NLGN1: variants seen among roughly 807,000 people sequenced by gnomAD.
NLGN1 encodes the protein neuroligin-1.
A neutral mutation model predicts 65.5 loss-of-function variants in NLGN1; 12 were observed. The ratio of observed to expected loss-of-function variants is 0.18; its 90% CI spans 0.12 to 0.30. The LOEUF is 0.30. NLGN1 is among the 10% of genes least tolerant of loss of function. The probability of loss-of-function intolerance (pLI) is 1.00; values close to 1 mark genes in which losing one functional copy is unlikely to be tolerated. For missense variants in NLGN1, 750 were observed against 1,007.1 expected (o/e 0.74, Z 3.46); for synonymous variants, 350 against 359.5 (o/e 0.97, Z 0.30).
chr3:173,710,913 A>G (rs1188386337), intron 3 of NLGN1, among the ~76,000 whole-genome samples: 1 of 152,206 alleles, frequency 6.6e-6, no homozygotes, highest in Non-Finnish European at 1.5e-5. Context: ...TCTTAAAGGT[A>G]TTCCAGTTAG....
chr3:174,014,623 G>C (rs1726186529), intron 4 of NLGN1, among the ~76,000 whole-genome samples: 1 of 152,152 alleles, frequency 6.6e-6, no homozygotes, highest in South Asian at 2.1e-4. Context: ...AGGAAAAAGA[G>C]ACATGCCTCA....
intron 4 of NLGN1, among the ~76,000 whole-genome samples, chr3:174,242,479 C>T (rs771915966): frequency 6.6e-6 from 1 of 152,098 alleles, no homozygotes; most frequent in Non-Finnish European, 1.5e-5. Flanking sequence ...ACAGCTGCTC[C>T]CCATTGCTCA....
At chr3:174,013,902 A>G (rs906494109) in intron 4 of NLGN1, among the ~76,000 whole-genome samples, 3 of 151,996 alleles carry the variant, frequency 2.0e-5, no homozygotes, top group African/African-American at 7.2e-5. Context: ...ATTTTTAGAG[A>G]CAGAGTCTGA....
At chr3:173,789,134 G>C (rs796867431) in intron 3 of NLGN1, among the ~76,000 whole-genome samples, 49 of 152,026 alleles carry the variant, frequency 3.2e-4, no homozygotes, top group African/African-American at 1.1e-3. Context: ...GGGAAGCAGA[G>C]GTTGCAGTGA....
At chr3:174,088,809 A>T (rs113496594) in intron 4 of NLGN1, among the ~76,000 whole-genome samples, 104 of 145,494 alleles carry the variant, frequency 7.1e-4, no homozygotes, top group African/African-American at 2.6e-3. Context: ...AATAAATAAA[A>T]CTAGATTATT....
chr3:173,688,463 T>C (rs1047881008), intron 3 of NLGN1, among the ~76,000 whole-genome samples: 1 of 152,184 alleles, frequency 6.6e-6, no homozygotes. Context: ...GCTGTGTGCT[T>C]GGGCAGTGGA....
chr3:173,533,807 C>T (rs922463250), intron 2 of NLGN1, among the ~76,000 whole-genome samples: 19 of 152,206 alleles, frequency 1.2e-4, no homozygotes, highest in Non-Finnish European at 2.4e-4. Context: ...CATGGCAAAA[C>T]CCAGTCTCTA....
exon 7 of NLGN1, chr3:174,281,256 C>A (rs756429859): frequency 6.2e-7 from 1 of 1,611,886 alleles, no homozygotes; most frequent in South Asian, 1.1e-5. Context: ...CAATACTCTG[C>A]CCCATCCCCA....
At chr3:174,240,239 T>G (rs1421424) in intron 4 of NLGN1, among the ~76,000 whole-genome samples, 64,914 of 151,908 alleles carry the variant, frequency 0.43, 14,026 homozygotes, top group East Asian at 0.57. Flanking sequence ...TAAAAAGTTC[T>G]CTTGTAATAT....
At chr3:173,611,788 C>A (rs1577529327) in intron 3 of NLGN1, among the ~76,000 whole-genome samples, 1 of 152,094 alleles carries the variant, frequency 6.6e-6, no homozygotes, top group East Asian at 1.9e-4. Context: ...TTGTCCAATT[C>A]AATTTTTCCA....
At chr3:174,260,012 A>C (rs1160198017) in intron 4 of NLGN1, among the ~76,000 whole-genome samples, 1 of 151,514 alleles carries the variant, frequency 6.6e-6, no homozygotes, top group Non-Finnish European at 1.5e-5. Context: ...AAGGACAAGA[A>C]CTCATCATCT....
intron 4 of NLGN1, among the ~76,000 whole-genome samples, chr3:173,816,001 ATAATAGT>A (rs1293443959): frequency 6.8e-6 from 1 of 147,866 alleles, no homozygotes; most frequent in African/African-American, 2.5e-5. Flanking sequence ...ATAATTAATT[ATAATAGT>A]TAATTAAATA....
chr3:173,660,351 T>C (rs1240389091), intron 3 of NLGN1, among the ~76,000 whole-genome samples: 2 of 129,120 alleles, frequency 1.5e-5, no homozygotes, highest in African/African-American at 6.0e-5. Flanking sequence ...GGACCAATCA[T>C]CTCCTTATTT....
chr3:173,573,735 AAAAAATTTTGATTGTGTCAGGAT>A (rs1745019485), intron 2 of NLGN1, among the ~76,000 whole-genome samples: 1 of 151,560 alleles, frequency 6.6e-6, no homozygotes, highest in Non-Finnish European at 1.5e-5. Context: ...AGGATAGAGA[AAAAAATTTTGATTGTGTCAGGAT>A]TAAGAGTCAA....
At chr3:174,062,827 CATT>C (rs1320110072) in intron 4 of NLGN1, among the ~76,000 whole-genome samples, 9 of 151,948 alleles carry the variant, frequency 5.9e-5, no homozygotes, top group African/African-American at 1.9e-4. Context: ...AGAATACTAT[CATT>C]ATTAATTTAA....
intron 2 of NLGN1, among the ~76,000 whole-genome samples, chr3:173,450,074 T>C (rs544953966): frequency 1.3e-5 from 2 of 152,312 alleles, no homozygotes; most frequent in South Asian, 4.1e-4. Flanking sequence ...TTAAGGTTAG[T>C]ATTGTTATGT....
chr3:174,213,557 C>A (rs989497283), intron 4 of NLGN1, among the ~76,000 whole-genome samples: 2 of 151,894 alleles, frequency 1.3e-5, no homozygotes, highest in East Asian at 3.8e-4. Context: ...AAACAATAAC[C>A]TTTGTGGTTA....
chr3:173,936,327 C>T (rs918163232), intron 4 of NLGN1, among the ~76,000 whole-genome samples: 1 of 151,978 alleles, frequency 6.6e-6, no homozygotes, highest in East Asian at 1.9e-4. Context: ...AAGTACCATG[C>T]ATTTTATGTT....
At chr3:174,044,835 G>A (rs909670366) in intron 4 of NLGN1, among the ~76,000 whole-genome samples, 3 of 152,122 alleles carry the variant, frequency 2.0e-5, no homozygotes, top group Non-Finnish European at 4.4e-5. Flanking sequence ...CCCCCGTGCT[G>A]CTCTTCTCAT....
Sources: allele counts gnomAD v4.1 joint callset (sites outside exome capture counted in the v4.1 genomes callset), GRCh38; gene constraint gnomAD v4.1.1; transcripts MANE v1.5; gene names NCBI Gene and HGNC (gene_info 2026-07-23, HGNC 2026-07-21).